Variants in OPRL1 observed in about 807,000 individuals in gnomAD.
OPRL1 encodes the protein nociceptin receptor.
OPRL1 carries 5 observed loss-of-function variants against 15.5 expected under a neutral mutation model. The observed-to-expected ratio is 0.32, with a 90% confidence interval of 0.17 to 0.68. The LOEUF (loss-of-function observed/expected upper bound fraction) is 0.68. OPRL1 is among the 30% of genes least tolerant of loss of function. The pLI, the probability that OPRL1 is intolerant of heterozygous loss-of-function variation, is 0.72. For missense variants in OPRL1, 406 were observed against 515.3 expected (o/e 0.79, Z 2.05); for synonymous variants, 223 against 230.2 (o/e 0.97, Z 0.28).
intron 3 of OPRL1, 73 bp downstream of exon 3, chr20:64,093,026 G>C (rs1833547286): frequency 1.5e-6 from 2 of 1,341,068 alleles, no homozygotes; most frequent in Non-Finnish European, 2.1e-6. Flanking sequence ...GACGGGGTCT[G>C]TTCTGGATGG....
At chr20:64,085,824 T>C (rs1041568929) in intron 1 of OPRL1, among the ~76,000 whole-genome samples, 1 of 152,180 alleles carries the variant, frequency 6.6e-6, no homozygotes, top group African/African-American at 2.4e-5. Flanking sequence ...GGTGTTCCCA[T>C]TGTTTTTGGG....
At chr20:64,086,515 T>A (rs1391740184) in intron 1 of OPRL1, 1 of 197,102 alleles carries the variant, frequency 5.1e-6, no homozygotes, top group Non-Finnish European at 1.2e-5. Flanking sequence ...GATTCACGTG[T>A]TTTTCAAGGG....
intron 3 of OPRL1, among the ~76,000 whole-genome samples, chr20:64,095,348 G>T (rs1313507887): frequency 8.2e-6 from 1 of 121,328 alleles, no homozygotes. Flanking sequence ...GGATAGTCGG[G>T]GGGGAGCCGG....
At chr20:64,081,531 C>T (rs1170035631) in intron 1 of OPRL1, among the ~76,000 whole-genome samples, 1 of 152,200 alleles carries the variant, frequency 6.6e-6, no homozygotes, top group Non-Finnish European at 1.5e-5. Flanking sequence ...TCTCCTCTGG[C>T]CCCTTGGGCC....
At chr20:64,088,736 G>GAGGCCATGATCT (rs2060086291) in intron 1 of OPRL1, among the ~76,000 whole-genome samples, 2 of 8,682 alleles carry the variant, frequency 2.3e-4, no homozygotes, top group Admixed American at 1.2e-3. Context: ...CTGTGCAAGG[G>GAGGCCATGATCT]GTAGGATCTG....
At position 64,098,650 on chromosome 20, in the gene OPRL1, C is replaced by G; in HGVS notation, c.964C>G (p.Leu322Val). 1 of 1,612,996 alleles carries G rather than the reference C, an allele frequency of 6.2e-7. No individual in the cohort carries two copies. The highest frequency in any genetic ancestry group is 8.5e-7 in the Non-Finnish European group (1 of 1,179,988). Residue 322 changes from leucine to valine, a missense_variant, in exon 5 of 5, where the codon CTG becomes GTG. Coordinates refer to ENST00000336866, the MANE Select transcript of OPRL1 (RefSeq NM_182647.4). ...CCTCAACCCCATCCTCTACGCCTTC[C>G]TGGATGAGAACTTCAAGGCCTGCTT... ...SCLNPILYAF[L>V]DENFKACFRK... is the part of the protein sequence containing the mutation.
chr20:64,088,053 C>G (rs1255194704), intron 1 of OPRL1, among the ~76,000 whole-genome samples: 3 of 152,268 alleles, frequency 2.0e-5, no homozygotes, highest in African/African-American at 7.2e-5. Flanking sequence ...TGTGAGGGGC[C>G]AGGTGCCTGC....
chr20:64,087,029 C>G (rs888887348), intron 1 of OPRL1, among the ~76,000 whole-genome samples: 2 of 152,194 alleles, frequency 1.3e-5, no homozygotes, highest in Admixed American at 6.5e-5. Context: ...TGAATCTCAC[C>G]CCGGAACCCA....
chr20:64,080,560 T>C (rs921093735), intron 1 of OPRL1, among the ~76,000 whole-genome samples: 1 of 152,192 alleles, frequency 6.6e-6, no homozygotes, highest in Non-Finnish European at 1.5e-5. Flanking sequence ...CTGACCCGTG[T>C]GTCCCAAGAT....
rs780360370 is a variant in OPRL1 at position 64,091,978 on chromosome 20, G to A, written c.-172G>A. The A allele has an allele frequency of 6.6e-6, 1 of 152,142 alleles. No homozygotes were observed. Among genetic ancestry groups the A allele is most frequent in the Non-Finnish European group, 1.5e-5 (1 of 68,444 alleles). 9.4% of individuals were successfully genotyped at this position (152,142 alleles called of 1,614,324 possible). A position where few individuals can be genotyped will look rare whatever the true frequency, so the allele number is the denominator to read the frequency against. On this transcript the variant is annotated 5_prime_UTR_variant, in exon 2 of 5. Coordinates refer to ENST00000336866, the MANE Select transcript of OPRL1 (RefSeq NM_182647.4). ...CCCTCCCCCCCAGCTTCGGGCTGCC[G>A]GCTCACTCGGCTGCTGCGTCTGGTC...
At position 64,099,908 on chromosome 20, in the gene OPRL1, A is replaced by T. The variant is rs1979633649; in HGVS notation, c.*1109A>T. Reference sequence around the variant, plus strand: ...TGCGGGGGAAGCTGTGTGGAAGGAGAAGCTGGTGGCCACAGCAGAGTCCTG... The same window carrying T: ...TGCGGGGGAAGCTGTGTGGAAGGAGTAGCTGGTGGCCACAGCAGAGTCCTG... On this transcript the variant is annotated 3_prime_UTR_variant, in exon 5 of 5. Transcript: ENST00000336866. 1 of 152,258 alleles carries T rather than the reference A, an allele frequency of 6.6e-6. No homozygotes were observed. Among genetic ancestry groups the T allele is most frequent in the South Asian group, 2.1e-4 (1 of 4,822 alleles). The allele number at this position is 152,258 out of a possible 1,614,324, so 9.4% of individuals were successfully genotyped here. A position where few individuals can be genotyped will look rare whatever the true frequency, so the allele number is the denominator to read the frequency against.
At position 64,092,677 on chromosome 20, in the gene OPRL1, C is replaced by T. The variant is rs1303301791; in HGVS notation, c.-33-11C>T. On this transcript the variant is annotated splice_polypyrimidine_tract_variant and intron_variant, in intron 2 of 4. Coordinates refer to ENST00000336866, the MANE Select transcript of OPRL1 (RefSeq NM_182647.4). Reference sequence around the variant, plus strand: ...GGCACTGCAGCCACTTGTCTCTGCGCTCTGTCCCAGGTACCGTACAGAGTG... The same window carrying T: ...GGCACTGCAGCCACTTGTCTCTGCGTTCTGTCCCAGGTACCGTACAGAGTG... 2 of 1,576,106 alleles carry T rather than the reference C, an allele frequency of 1.3e-6. No individual in the cohort carries two copies. The highest frequency in any genetic ancestry group is 1.1e-5 in the South Asian group (1 of 87,826).
At position 64,098,363 on chromosome 20, in the gene OPRL1, TC is replaced by T. The variant is rs745726560; in HGVS notation, c.681del (p.Val228CysfsTer11). On this transcript the variant is annotated frameshift_variant, in exon 5 of 5. Transcript: ENST00000336866. LOFTEE classifies it high-confidence loss of function. ...AICIFLFSFI[V>X]PVLVISVCYS... ...TGCATCTTCCTCTTCTCCTTCATCG[TC>T]CCCGTGCTCGTCATCTCTGTCTGCT... 6.2e-7 allele frequency: 1 copy of T among 1,613,846 alleles called. No homozygotes were observed.
At position 64,089,893 on chromosome 20, in the gene OPRL1, A is replaced by G. The variant is rs1448995907; in HGVS notation, c.-184-2073A>G. The stretch of plus-strand genomic sequence containing the variant: ...TAGGAGGGTCTAGGGTCTCCTGCTC[A>G]GACGTTGGTGAGCCCAGCTGGGGCG... On this transcript the variant is annotated intron_variant, in intron 1 of 4. Coordinates refer to ENST00000336866, the MANE Select transcript of OPRL1 (RefSeq NM_182647.4). The surrounding 1 kb of genome is among the most constrained non-coding windows in gnomAD (Gnocchi z 5.5). Among the ~76,000 whole-genome samples, 2 of 152,180 alleles carry G rather than the reference A, an allele frequency of 1.3e-5. No homozygotes were observed. The highest frequency in any genetic ancestry group is 4.8e-5 in the African/African-American group (2 of 41,452).
Position 64,098,703 on chromosome 20 carries a change from G to A in OPRL1, c.1017G>A (p.Leu339=), listed in dbSNP as rs748531826. Residue 339 remains leucine (L), a synonymous_variant, in exon 5 of 5, where the codon CTG becomes CTA. Coordinates refer to ENST00000336866, the MANE Select transcript of OPRL1 (RefSeq NM_182647.4). ...CFRKFCCASA[L]RRDVQVSDRV... is the part of the protein sequence containing the mutation. ...GCAAGTTCTGCTGTGCATCTGCCCT[G>A]CGCCGGGACGTGCAGGTGTCTGACC... The A allele has an allele frequency of 6.2e-7, 1 of 1,612,662 alleles. No homozygotes were observed. Among genetic ancestry groups the A allele is most frequent in the South Asian group, 1.1e-5 (1 of 91,086 alleles).
chr20:64,086,198 A>G (rs1176803969), intron 1 of OPRL1, among the ~76,000 whole-genome samples: 2 of 152,224 alleles, frequency 1.3e-5, no homozygotes, highest in African/African-American at 4.8e-5. Context: ...CCAGGGGGAC[A>G]CATGGGTGGG....
chr20:64,083,475 A>G lies in OPRL1; in HGVS notation c.-185+3123A>G, dbSNP rs2059992487. The G allele has an allele frequency of 1.9e-6, 3 of 1,603,732 alleles. No homozygotes were observed. The highest frequency in any genetic ancestry group is 2.6e-6 in the Non-Finnish European group (3 of 1,176,168). The stretch of plus-strand genomic sequence containing the variant: ...GGTGCCATCCACGTTCTCCTCCAGG[A>G]TGGTCTCCACGCGCCTCCGCTGCCG... On this transcript the variant is annotated intron_variant, in intron 1 of 4. Coordinates refer to ENST00000336866, the MANE Select transcript of OPRL1 (RefSeq NM_182647.4). The surrounding 1 kb of genome is among the most constrained non-coding windows in gnomAD (Gnocchi z 4.9).
chr20:64,093,310 C>T (rs1476065623), intron 3 of OPRL1, among the ~76,000 whole-genome samples: 8 of 150,254 alleles, frequency 5.3e-5, no homozygotes, highest in Admixed American at 2.6e-4. Context: ...AGCCCATTCC[C>T]TAGATGGGCG....
At position 64,083,792 on chromosome 20, in the gene OPRL1, T is replaced by C; in HGVS notation, c.-185+3440T>C. On this transcript the variant is annotated intron_variant, in intron 1 of 4. Transcript: ENST00000336866. This position sits in a 1 kb window ranked among gnomAD's most constrained non-coding sequence, Gnocchi z 4.9. ...CGCTCAACGCTCCCGGTGCGCCCCC[T>C]CTGCCCTCCGACCCCCTCGCCTCAC... 7.5e-7 allele frequency: 1 copy of C among 1,330,810 alleles called. No individual in the cohort carries two copies. The highest frequency in any genetic ancestry group is 9.6e-7 in the Non-Finnish European group (1 of 1,045,310). 82.4% of individuals were successfully genotyped at this position (1,330,810 alleles called of 1,614,324 possible). A position where few individuals can be genotyped will look rare whatever the true frequency, so the allele number is the denominator to read the frequency against.
Sources: allele counts gnomAD v4.1 joint callset (sites outside exome capture counted in the v4.1 genomes callset), GRCh38; gene constraint gnomAD v4.1.1; non-coding constraint Gnocchi (gnomAD v3.1); transcripts MANE v1.5; gene names NCBI Gene and HGNC (gene_info 2026-07-23, HGNC 2026-07-21).